The following HMCN2 variants were observed in gnomAD, a reference collection of about 807,000 sequenced individuals.
The protein encoded by HMCN2 is hemicentin-2.
HMCN2 carries 325 observed loss-of-function variants against 377.5 expected under a neutral mutation model. That is an observed-to-expected ratio of 0.86 (90% CI 0.79 to 0.94). HMCN2 has a LOEUF of 0.94. Ranked by LOEUF, HMCN2 falls within the 40% of genes least tolerant of loss-of-function variation. HMCN2 has a pLI of 0.00. For missense variants in HMCN2, 4,543 were observed against 4,725.3 expected, an observed-to-expected ratio of 0.96 and a Z score of 1.13; for synonymous variants, 2,007 against 2,046.8, an observed-to-expected ratio of 0.98 and a Z score of 0.53.
intron 1 of HMCN2, among the ~76,000 whole-genome samples, chr9:130,276,936 G>T (rs140100392): frequency 2.0e-3 from 303 of 152,336 alleles, no homozygotes; most frequent in African/African-American, 7.0e-3. Flanking sequence ...CAAAATTCCA[G>T]CCCCACTTGG....
chr9:130,380,411 G>T (rs922781476), intron 54 of HMCN2, among the ~76,000 whole-genome samples: 2 of 152,112 alleles, frequency 1.3e-5, no homozygotes, highest in African/African-American at 4.8e-5. Context: ...CCGGCAATGG[G>T]GCTGGTTTTG....
chr9:130,365,726 G>C lies in HMCN2; in HGVS notation c.6504G>C (p.Trp2168Cys), dbSNP rs572818912. The C allele has an allele frequency of 5.8e-4, 568 of 985,814 alleles. No homozygotes were observed. The highest frequency in any genetic ancestry group is 6.6e-4 in the Non-Finnish European group (549 of 829,872). 61.1% of individuals were successfully genotyped at this position (985,814 alleles called of 1,614,324 possible). A position where few individuals can be genotyped will look rare whatever the true frequency, so the allele number is the denominator to read the frequency against. ...HSEKHYNLNV[W>C]VAPVFPLRES... ...AGAAACACTACAATCTGAACGTCTG[G>C]GGTGAGGGTCTCCCAGGCTGGGCAG... Residue 2168 changes from tryptophan to cysteine, a missense_variant and splice_region_variant, in exon 42 of 98, where the codon TGG becomes TGC. By Grantham distance (215) the Trp-to-Cys change is radical. Transcript: ENST00000683500.
chr9:130,324,786 G>A (rs1838038668), intron 19 of HMCN2, among the ~76,000 whole-genome samples: 1 of 151,964 alleles, frequency 6.6e-6, no homozygotes, highest in African/African-American at 2.4e-5. Context: ...CACTGTACCG[G>A]TCTAATTTTT....
chr9:130,305,537 C>T (rs190779638), intron 11 of HMCN2, among the ~76,000 whole-genome samples: 2 of 152,174 alleles, frequency 1.3e-5, no homozygotes, highest in Non-Finnish European at 2.9e-5. Context: ...CTTGTGCCAG[C>T]GGCTCTTGAG....
At chr9:130,427,427 G>A (rs1283058840) in intron 91 of HMCN2, 52 bp downstream of exon 91, 1 of 1,550,276 alleles carries the variant, frequency 6.5e-7, no homozygotes, top group African/African-American at 1.4e-5. Context: ...AGCCTGGGAT[G>A]GATGGCTTCT....
chr9:130,366,496 C>A (rs1254324839), intron 43 of HMCN2, among the ~76,000 whole-genome samples: 1 of 46,138 alleles, frequency 2.2e-5, no homozygotes, highest in Admixed American at 3.9e-4. Context: ...TTTTTTTTGC[C>A]AGGCTGGAGT....
At chr9:130,418,283 G>A (rs1429846046) in intron 85 of HMCN2, among the ~76,000 whole-genome samples, 2 of 152,168 alleles carry the variant, frequency 1.3e-5, no homozygotes, top group Admixed American at 1.3e-4. Flanking sequence ...GCAGATGGCC[G>A]GGCGTGGTGG....
chr9:130,388,679 C>G lies in HMCN2; in HGVS notation c.9523+139C>G, dbSNP rs985139695. 1.2e-3 allele frequency: 446 copies of G among 381,654 alleles called. 3 individuals carry two copies. The highest frequency in any genetic ancestry group is 9.3e-3 in the African/African-American group (423 of 45,280). The allele number at this position is 381,654 out of a possible 1,614,324, so 23.6% of individuals were successfully genotyped here. A position where few individuals can be genotyped will look rare whatever the true frequency, so the allele number is the denominator to read the frequency against. On this transcript the variant is annotated intron_variant, in intron 62 of 97. Coordinates refer to ENST00000683500, the MANE Select transcript of HMCN2 (RefSeq NM_001291815.2). The stretch of plus-strand genomic sequence containing the variant: ...GACTGGCAGTGCCGTGTTGCCCCCC[C>G]CCCCACCATTTGTGTTTGAGTGAAG...
chr9:130,317,743 G>A (rs965905774), intron 15 of HMCN2, among the ~76,000 whole-genome samples: 4 of 148,106 alleles, frequency 2.7e-5, no homozygotes, highest in South Asian at 2.3e-4. Context: ...CCGAGATTGC[G>A]CCACTGCACT....
intron 22 of HMCN2, among the ~76,000 whole-genome samples, chr9:130,332,906 C>T (rs36156008): frequency 0.12 from 18,213 of 152,208 alleles, 1,172 homozygotes; most frequent in Admixed American, 0.16. Context: ...GCCGTTCATT[C>T]CACGGCCGCC....
At chr9:130,328,730 T>C (rs1373965201) in intron 22 of HMCN2, among the ~76,000 whole-genome samples, 1 of 152,236 alleles carries the variant, frequency 6.6e-6, no homozygotes, top group Non-Finnish European at 1.5e-5. Context: ...TTCTTAGTCA[T>C]GCAACCTCGG....
At chr9:130,400,648 C>T (rs1842819825) in intron 76 of HMCN2, 135 bp from the exon 77 acceptor site, 5 of 442,384 alleles carry the variant, frequency 1.1e-5, no homozygotes, top group South Asian at 1.1e-4. Context: ...AATGTGACTT[C>T]TCCCTCTGTT....
At chr9:130,343,057 T>C (rs1839146243) in intron 25 of HMCN2, among the ~76,000 whole-genome samples, 1 of 152,218 alleles carries the variant, frequency 6.6e-6, no homozygotes, top group Non-Finnish European at 1.5e-5. Flanking sequence ...TGCATGGAGC[T>C]GCTGTGGGAA....
chr9:130,407,693 G>C lies in HMCN2; in HGVS notation c.12676G>C (p.Val4226Leu), dbSNP rs573213826. The change falls in exon 83 of 98, where the codon GTC becomes CTC. Residue 4226 changes from valine (V) to leucine (L), a missense_variant. By Grantham distance (32) the Val-to-Leu change is conservative. Around this residue, in one of 5 missense-constraint regions of HMCN2, gnomAD observed 1,073 missense variants for 1,319.5 expected, o/e 0.81. Transcript: ENST00000683500. ...RVGRTQAVSF[V>L]HVKEAPVLQG... ...GGGCCGCACGCAGGCGGTCAGCTTC[G>C]TCCACGTGAAGGGTAGGGCACATTC... The C allele has an allele frequency of 3.2e-6, 4 of 1,249,664 alleles. No homozygotes were observed. In the African/African-American group the frequency reaches 4.7e-5, roughly 15 times the overall value. The allele number at this position is 1,249,664 out of a possible 1,614,324, so 77.4% of individuals were successfully genotyped here.
chr9:130,370,781 T>G (rs1368578294), intron 45 of HMCN2, among the ~76,000 whole-genome samples, 183 bp from the exon 46 acceptor site: 1 of 152,204 alleles, frequency 6.6e-6, no homozygotes, highest in Non-Finnish European at 1.5e-5. Flanking sequence ...GCCCAGCCTG[T>G]GGCGCCATGG....
chr9:130,373,707 A>AGATGGATGGATGGATGGATGGATGGATG (rs942219791), intron 48 of HMCN2, among the ~76,000 whole-genome samples: 3,829 of 115,402 alleles, frequency 0.033, 452 homozygotes, highest in East Asian at 0.17. Flanking sequence ...ATGGATAGGT[A>AGATGGATGGATGGATGGATGGATGGATG]GATGGATGGA....
chr9:130,407,215 A>C (rs1588412484), intron 82 of HMCN2: 1 of 173,960 alleles, frequency 5.7e-6, no homozygotes, highest in Non-Finnish European at 1.2e-5. Flanking sequence ...GCGTCATTGC[A>C]CTCCAGCCTG....
At chr9:130,392,856 C>T (rs1323618380) in intron 66 of HMCN2, among the ~76,000 whole-genome samples, 2 of 151,808 alleles carry the variant, frequency 1.3e-5, no homozygotes, top group Admixed American at 6.6e-5. Context: ...ATTAGCCGGG[C>T]CTGGTGGCGG....
rs782485752 is a variant in HMCN2 at position 130,303,882 on chromosome 9, C to T, written c.1543+274C>T. Reference sequence around the variant, plus strand: ...ATCCCAACTCTGACTTCTCGGGGCTCGGCTTTCAGGGGCCGCCATCCATCT... The same window carrying T: ...ATCCCAACTCTGACTTCTCGGGGCTTGGCTTTCAGGGGCCGCCATCCATCT... On this transcript the variant is annotated intron_variant, in intron 10 of 97. Coordinates refer to ENST00000683500, the MANE Select transcript of HMCN2 (RefSeq NM_001291815.2). This position sits in a 1 kb window ranked among gnomAD's most constrained non-coding sequence, Gnocchi z 5.2. Among the ~76,000 whole-genome samples, 11 of 152,200 alleles carry T rather than the reference C, an allele frequency of 7.2e-5. No homozygotes were observed. The highest frequency in any genetic ancestry group is 1.4e-4 in the African/African-American group (6 of 41,452).
Sources: gnomAD v4.1 joint callset for allele counts (sites outside exome capture counted in the v4.1 genomes callset) on GRCh38, gnomAD v4.1.1 for gene constraint, gnomAD v4.1.1 regional missense constraint, Gnocchi (gnomAD v3.1) non-coding constraint, MANE v1.5 for transcripts, NCBI Gene and HGNC (gene_info 2026-07-23, HGNC 2026-07-21) for gene names.